SEMA6A: variants seen among roughly 807,000 people sequenced by gnomAD.
SEMA6A encodes the protein semaphorin 6A.
A neutral mutation model predicts 96.8 loss-of-function variants in SEMA6A; 25 were observed. The observed-to-expected ratio is 0.26, with a 90% CI of 0.19 to 0.36. The LOEUF (loss-of-function observed/expected upper bound fraction) is 0.36. SEMA6A is among the 10% of genes least tolerant of loss of function. SEMA6A has a pLI of 1.00. For missense variants in SEMA6A, 1,363 were observed against 1,323.1 expected, an observed-to-expected ratio of 1.03 and a Z score of -0.47; for synonymous variants, 612 against 518.0, an observed-to-expected ratio of 1.18 and a Z score of -2.46.
At chr5:116,532,281 TAGAA>T (rs1372207326) in intron 1 of SEMA6A, among the ~76,000 whole-genome samples, 1 of 152,154 alleles carries the variant, frequency 6.6e-6, no homozygotes, top group East Asian at 1.9e-4. Context: ...AATCCTAAAG[TAGAA>T]AGAAGCAACT....
At chr5:116,557,186 G>A (rs1760640670) in intron 1 of SEMA6A, among the ~76,000 whole-genome samples, 1 of 152,122 alleles carries the variant, frequency 6.6e-6, no homozygotes, top group Non-Finnish European at 1.5e-5. Flanking sequence ...AAATTTTGAG[G>A]CTGTCTGGTC....
intron 1 of SEMA6A, among the ~76,000 whole-genome samples, chr5:116,522,792 T>C (rs1759020091): frequency 6.6e-6 from 1 of 152,148 alleles, no homozygotes; most frequent in African/African-American, 2.4e-5. Context: ...TTGTTCTCTG[T>C]CTTCACTGGC....
At chr5:116,546,734 C>A (rs894285863) in intron 1 of SEMA6A, among the ~76,000 whole-genome samples, 22 of 152,316 alleles carry the variant, frequency 1.4e-4, no homozygotes, top group African/African-American at 4.8e-4. Context: ...CATTACAGAT[C>A]CTGATCTTAA....
chr5:116,489,814 C>G (rs1328523484), intron 7 of SEMA6A, among the ~76,000 whole-genome samples: 1 of 152,266 alleles, frequency 6.6e-6, no homozygotes, highest in East Asian at 1.9e-4. Context: ...CTTTTTGGTT[C>G]CTTCCTGGCT....
intron 1 of SEMA6A, chr5:116,550,023 A>G (rs569733642): frequency 1.5e-4 from 23 of 152,302 alleles, no homozygotes; most frequent in African/African-American, 4.6e-4. Context: ...ACCTTGTACA[A>G]GCAGAAAATA....
intron 6 of SEMA6A, chr5:116,492,519 T>C (rs1285451394): frequency 1.3e-5 from 2 of 152,020 alleles, no homozygotes; most frequent in African/African-American, 2.4e-5. Context: ...GTACAGATAA[T>C]TATACAAAGA....
intron 1 of SEMA6A, among the ~76,000 whole-genome samples, chr5:116,540,076 C>T (rs1759892577): frequency 6.6e-6 from 1 of 152,120 alleles, no homozygotes; most frequent in Admixed American, 6.5e-5. Context: ...TTTTACAAAA[C>T]CCCTTTTCTT....
chr5:116,477,912 G>T lies in SEMA6A; in HGVS notation c.1583C>A (p.Ser528Tyr). 6.2e-7 allele frequency: 1 copy of T among 1,613,974 alleles called. No individual in the cohort carries two copies. Among genetic ancestry groups the T allele is most frequent in the Non-Finnish European group, 8.5e-7 (1 of 1,179,864 alleles). The change falls in exon 15 of 19, where the codon TCC becomes TAC. Residue 528 changes from serine to tyrosine, a missense_variant. Ser to Tyr is a moderately radical substitution (Grantham distance 144). Transcript: ENST00000343348. ...HGKCKKTCIA[S>Y]RDPYCGWIKE... is the part of the protein sequence containing the mutation. ...TATCCATCCACAATATGGGTCTCTG[G>T]AGGCAATACAGGTTCTGCAGGAAGA...
Position 116,475,412 on chromosome 5 carries a change from G to T in SEMA6A, c.1708+133C>A, listed in dbSNP as rs1265313442. On this transcript the variant is annotated intron_variant, in intron 16 of 18. Transcript: ENST00000343348. The stretch of plus-strand genomic sequence containing the variant: ...CACTGCTTTCTTTGTTTGGTATTTA[G>T]AAGATGATTTCCGTCATTTACGCAT... The T allele has an allele frequency of 9.0e-6, 5 of 557,004 alleles. No homozygotes were observed. The East Asian group carries it at 1.5e-4, about 17-fold the overall frequency. 34.5% of individuals were successfully genotyped at this position (557,004 alleles called of 1,614,324 possible).
At chr5:116,569,793 A>G (rs1032937881) in intron 1 of SEMA6A, among the ~76,000 whole-genome samples, 3 of 152,178 alleles carry the variant, frequency 2.0e-5, no homozygotes, top group African/African-American at 7.2e-5. Flanking sequence ...GCCATTTACT[A>G]TGATGGAGAA....
rs200899165 is a variant in SEMA6A at position 116,495,463 on chromosome 5, A to G, written c.394T>C (p.Leu132=). The change falls in exon 6 of 19, where the codon TTG becomes CTG. Residue 132 remains leucine (L), a synonymous_variant. Coordinates refer to ENST00000343348, the MANE Select transcript of SEMA6A (RefSeq NM_020796.5). ...AAGGCATTAGTTCCACAGACAAACA[A>G]TGCATCATCGTTTTTCTTTAGAAGA... ...KVLLKKNDDA[L]FVCGTNAFNP... The G allele has an allele frequency of 1.9e-5, 30 of 1,610,424 alleles. 1 individual carries two copies. The highest frequency in any genetic ancestry group is 1.6e-4 in the Middle Eastern group (1 of 6,080).
chr5:116,562,719 G>A, intron 1 of SEMA6A: 1 of 733,650 alleles, frequency 1.4e-6, no homozygotes, highest in South Asian at 1.3e-5. Flanking sequence ...GAAACCCTCT[G>A]CCGTGTGACT....
chr5:116,542,148 A>G (rs936926992), intron 1 of SEMA6A, among the ~76,000 whole-genome samples: 1 of 152,128 alleles, frequency 6.6e-6, no homozygotes, highest in Admixed American at 6.5e-5. Flanking sequence ...ATTTTTTTTA[A>G]GACTTTGCAT....
At position 116,574,730 on chromosome 5, in the gene SEMA6A, G is replaced by A. The variant is rs975265636; in HGVS notation, c.-584C>T. On this transcript the variant is annotated 5_prime_UTR_variant, in exon 1 of 19. Transcript: ENST00000343348. ...ATCGCGGGCGACCGGCACCGCGGAG[G>A]AGCGCCGCTGCTGGGTTCCGAGCGC... is the stretch of plus-strand genomic sequence containing the variant. The A allele has an allele frequency of 6.6e-6, 1 of 152,358 alleles. No homozygotes were observed. Among genetic ancestry groups the A allele is most frequent in the Non-Finnish European group, 1.5e-5 (1 of 68,144 alleles). 9.4% of individuals were successfully genotyped at this position (152,358 alleles called of 1,614,324 possible). A position where few individuals can be genotyped will look rare whatever the true frequency, so the allele number is the denominator to read the frequency against.
In SEMA6A at chr5:116,458,305, G is replaced by T. The variant is rs1208378695; in HGVS notation, c.1894+9278C>A. Among the ~76,000 whole-genome samples the T allele has an allele frequency of 2.0e-5, 3 of 152,114 alleles. 1 individual carries two copies. The highest frequency in any genetic ancestry group is 2.0e-4 in the Admixed American group (3 of 15,270). On this transcript the variant is annotated intron_variant, in intron 18 of 18. Transcript: ENST00000343348. ...ACCACTCCAGATGTTCTGTTAATAA[G>T]ATCACACTTAACCTAGTCCCCGTAG...
intron 1 of SEMA6A, among the ~76,000 whole-genome samples, chr5:116,522,987 G>T (rs1759028764): frequency 6.6e-6 from 1 of 152,204 alleles, no homozygotes; most frequent in African/African-American, 2.4e-5. Context: ...AGAAAAGAAA[G>T]AATTCATCAG....
intron 18 of SEMA6A, among the ~76,000 whole-genome samples, chr5:116,456,969 CG>C (rs1196221017): frequency 6.6e-6 from 1 of 152,062 alleles, no homozygotes; most frequent in African/African-American, 2.4e-5. Context: ...TTTATATTCC[CG>C]GGGTGAAAAG....
intron 18 of SEMA6A, among the ~76,000 whole-genome samples, chr5:116,454,649 T>C (rs1233341071): frequency 6.6e-6 from 1 of 152,126 alleles, no homozygotes; most frequent in Non-Finnish European, 1.5e-5. Context: ...ATGGGAACTC[T>C]CTGTGGTTAT....
chr5:116,498,383 G>A (rs2112755565), intron 3 of SEMA6A: 1 of 152,198 alleles, frequency 6.6e-6, no homozygotes, highest in African/African-American at 2.4e-5. Flanking sequence ...GATAAGAAAG[G>A]AATTATTTGC....
Sources: allele counts gnomAD v4.1 joint callset (sites outside exome capture counted in the v4.1 genomes callset), GRCh38; gene constraint gnomAD v4.1.1; transcripts MANE v1.5; gene names NCBI Gene and HGNC (gene_info 2026-07-23, HGNC 2026-07-21).